The following PSMA8 variants were observed in gnomAD, a reference collection of about 807,000 sequenced individuals.
PSMA8 encodes the protein proteasome subunit alpha-type 8.
A neutral mutation model predicts 32.4 loss-of-function variants in PSMA8; 18 were observed. That is an observed-to-expected ratio of 0.56 (90% CI 0.38 to 0.82). The LOEUF (loss-of-function observed/expected upper bound fraction) is 0.82. Among genes scored for constraint, PSMA8 ranks in the 40% least tolerant of loss-of-function variants. The pLI, the probability that PSMA8 is intolerant of heterozygous loss-of-function variation, is 0.00. For synonymous variants in PSMA8, 104 were observed against 98.1 expected (o/e 1.06, Z -0.36); for missense variants, 298 against 300.7 (o/e 0.99, Z 0.07).
At chr18:26,154,711 C>T (rs1052584239) in intron 3 of PSMA8, among the ~76,000 whole-genome samples, 7 of 152,052 alleles carry the variant, frequency 4.6e-5, no homozygotes, top group Admixed American at 4.6e-4. Context: ...CCAACTCCCT[C>T]GTTCAAGTGA....
rs1402599965 is a variant in PSMA8, at chr18:26,169,001, G to A, written c.478-9829G>A. On this transcript the variant is annotated intron_variant, in intron 4 of 6. Transcript: ENST00000415576. The stretch of plus-strand genomic sequence containing the variant: ...TTCCATTGTTTTCAGATTCCTTTTC[G>A]AGACAAGGTCTCTTCTGTCACCCCG... Among the ~76,000 whole-genome samples, 103 of 128,614 alleles carry A rather than the reference G, an allele frequency of 8.0e-4. 11 individuals are homozygous for A. In the East Asian group the frequency reaches 0.019, roughly 24 times the overall value. The allele number at this position is 128,614 out of a possible 152,430, so 84.4% of individuals were successfully genotyped here.
chr18:26,153,178 T>C (rs1245613838), intron 3 of PSMA8, among the ~76,000 whole-genome samples: 2 of 152,216 alleles, frequency 1.3e-5, no homozygotes, highest in African/African-American at 4.8e-5. Flanking sequence ...TTTTAGTTAT[T>C]ATTCTAACAA....
At chr18:26,160,499 T>G (rs2055126846) in intron 4 of PSMA8, among the ~76,000 whole-genome samples, 1 of 152,270 alleles carries the variant, frequency 6.6e-6, no homozygotes, top group African/African-American at 2.4e-5. Flanking sequence ...TGATTTCTAC[T>G]TCTGGGAACT....
chr18:26,152,504 T>C (rs932400875), intron 3 of PSMA8, among the ~76,000 whole-genome samples: 12 of 152,072 alleles, frequency 7.9e-5, no homozygotes, highest in African/African-American at 2.9e-4. Context: ...TTTGTATTTT[T>C]TGTACAGATG....
At chr18:26,178,556 G>A (rs983764250) in intron 4 of PSMA8, among the ~76,000 whole-genome samples, 4 of 150,054 alleles carry the variant, frequency 2.7e-5, no homozygotes, top group African/African-American at 7.4e-5. Flanking sequence ...CTATAATTGT[G>A]CCACTACTGC....
At chr18:26,141,901 G>C (rs2144272944) in intron 1 of PSMA8, among the ~76,000 whole-genome samples, 1 of 151,694 alleles carries the variant, frequency 6.6e-6, no homozygotes, top group South Asian at 2.1e-4. Context: ...GCCCAGGCTA[G>C]TCTGAAACTC....
chr18:26,168,392 A>C (rs1327419229), intron 4 of PSMA8, among the ~76,000 whole-genome samples: 1 of 112,818 alleles, frequency 8.9e-6, no homozygotes, highest in Non-Finnish European at 1.6e-5. Flanking sequence ...GACTGTGTAC[A>C]TACTGCTCCT....
intron 6 of PSMA8, among the ~76,000 whole-genome samples, chr18:26,188,844 ATAGAT>A: frequency 6.6e-6 from 1 of 152,320 alleles, no homozygotes; most frequent in East Asian, 1.9e-4. Flanking sequence ...TCAAAAAAGA[ATAGAT>A]TAAAGACTTA....
chr18:26,136,743 T>C (rs1005902835), intron 1 of PSMA8, among the ~76,000 whole-genome samples: 6 of 152,244 alleles, frequency 3.9e-5, no homozygotes, highest in Non-Finnish European at 5.9e-5. Flanking sequence ...AACTGGATAG[T>C]AAGATCTCTG....
At chr18:26,149,950 C>T (rs1343828216) in intron 2 of PSMA8, among the ~76,000 whole-genome samples, 1 of 152,188 alleles carries the variant, frequency 6.6e-6, no homozygotes, top group Admixed American at 6.5e-5. Context: ...TGGAATTCCA[C>T]TTAATAGCAG....
intron 6 of PSMA8, among the ~76,000 whole-genome samples, chr18:26,188,281 T>A (rs1405674984): frequency 1.4e-5 from 2 of 148,006 alleles, no homozygotes; most frequent in Non-Finnish European, 3.0e-5. Context: ...TGGAATACAG[T>A]GAAAGCATTA....
intron 6 of PSMA8, among the ~76,000 whole-genome samples, chr18:26,180,695 G>C (rs867072232): frequency 1.6e-4 from 23 of 143,448 alleles, no homozygotes; most frequent in African/African-American, 5.1e-4. Context: ...TATAAAAATA[G>C]ACACACACAC....
At chr18:26,142,867 G>C (rs1005918479) in intron 1 of PSMA8, among the ~76,000 whole-genome samples, 2 of 152,114 alleles carry the variant, frequency 1.3e-5, no homozygotes, top group Non-Finnish European at 2.9e-5. Context: ...CCTACCTCCT[G>C]ATAGTATCAC....
chr18:26,175,646 G>A (rs1244247923), intron 4 of PSMA8, among the ~76,000 whole-genome samples: 1 of 152,198 alleles, frequency 6.6e-6, no homozygotes, highest in Non-Finnish European at 1.5e-5. Flanking sequence ...TTTGTTTCTG[G>A]AGGTGTATGG....
chr18:26,173,559 CTT>C (rs200356088), intron 4 of PSMA8, among the ~76,000 whole-genome samples: 11 of 143,882 alleles, frequency 7.6e-5, no homozygotes, highest in Non-Finnish European at 9.2e-5. Context: ...TTTTTGTCTA[CTT>C]TTTTTTTTTT....
intron 3 of PSMA8, among the ~76,000 whole-genome samples, chr18:26,154,742 G>C (rs892231258): frequency 6.6e-6 from 1 of 152,024 alleles, no homozygotes; most frequent in Non-Finnish European, 1.5e-5. Context: ...TCAGCCTCCT[G>C]AGTAGCTGGG....
At chr18:26,173,600 G>A (rs191840673) in intron 4 of PSMA8, among the ~76,000 whole-genome samples, 486 of 148,742 alleles carry the variant, frequency 3.3e-3, no homozygotes, top group Non-Finnish European at 4.9e-3. Flanking sequence ...CTTGTTGCCC[G>A]GGCTGGAGTG....
chr18:26,188,128 A>G (rs2055371402), intron 6 of PSMA8, among the ~76,000 whole-genome samples: 2 of 152,146 alleles, frequency 1.3e-5, no homozygotes, highest in Non-Finnish European at 2.9e-5. Context: ...ATCAGTAACT[A>G]GAGGAATTTT....
At chr18:26,171,688 C>T (rs1194385163) in intron 4 of PSMA8, among the ~76,000 whole-genome samples, 2 of 151,798 alleles carry the variant, frequency 1.3e-5, no homozygotes, top group African/African-American at 2.4e-5. Context: ...GAGCTGAGAT[C>T]GTGCCACTGC....
Sources: gnomAD v4.1 joint callset for allele counts (sites outside exome capture counted in the v4.1 genomes callset) on GRCh38, gnomAD v4.1.1 for gene constraint, MANE v1.5 for transcripts, NCBI Gene and HGNC (gene_info 2026-07-23, HGNC 2026-07-21) for gene names.